The following KIF5A variants were observed in gnomAD, a reference collection of about 807,000 sequenced individuals.
KIF5A encodes the protein kinesin heavy chain isoform 5A.
In KIF5A, 35 loss-of-function variants were observed where a neutral mutation model predicts 141.3. The ratio of observed to expected loss-of-function variants is 0.25; its 90% confidence interval spans 0.19 to 0.33. The LOEUF (loss-of-function observed/expected upper bound fraction) is 0.33, where lower values mean the gene tolerates loss of function less well. Ranked by LOEUF, KIF5A falls within the 10% of genes least tolerant of loss-of-function variation. The pLI is 1.00. For missense variants in KIF5A, 861 were observed against 1,314.3 expected (o/e 0.66, Z 5.33); for synonymous variants, 448 against 500.2 (o/e 0.90, Z 1.39).
chr12:57,564,528 G>GGATGAGGGTGTGT lies in KIF5A; in HGVS notation c.445+23_445+35dup. The GGATGAGGGTGTGT allele has an allele frequency of 1.9e-6, 3 of 1,592,766 alleles. No individual in the cohort carries two copies. Among genetic ancestry groups the GGATGAGGGTGTGT allele is most frequent in the Non-Finnish European group, 2.6e-6 (3 of 1,160,988 alleles). On this transcript the variant is annotated intron_variant, in intron 5 of 28. Transcript: ENST00000455537. ...TGGATGGTGAGTGTTTTGTCCCAGT[G>GGATGAGGGTGTGT]GATGAGGGTGTGTGAGGAGGGTGGA...
intron 6 of KIF5A, among the ~76,000 whole-genome samples, chr12:57,566,341 T>C (rs896416163): frequency 4.6e-5 from 7 of 151,956 alleles, no homozygotes; most frequent in Non-Finnish European, 1.0e-4. Context: ...TGACCTCAGG[T>C]GATCCGCCCA....
At chr12:57,568,011 T>C (rs1413474213) in intron 8 of KIF5A, among the ~76,000 whole-genome samples, 1 of 151,912 alleles carries the variant, frequency 6.6e-6, no homozygotes, top group Non-Finnish European at 1.5e-5. Flanking sequence ...GCCTCCCTAG[T>C]AGCTGGGATT....
chr12:57,567,293 A>C, intron 7 of KIF5A, 80 bp downstream of exon 7: 1 of 1,313,412 alleles, frequency 7.6e-7, no homozygotes, highest in Non-Finnish European at 1.1e-6. Context: ...GGGACTCAAA[A>C]GTGAGCAAGG....
At chr12:57,573,918 A>C (rs1882338228) in intron 15 of KIF5A, among the ~76,000 whole-genome samples, 2 of 151,424 alleles carry the variant, frequency 1.3e-5, no homozygotes, top group African/African-American at 4.9e-5. Flanking sequence ...TGTCTCTACT[A>C]AAAAAATACA....
At position 57,572,380 on chromosome 12, in the gene KIF5A, T is replaced by C; in HGVS notation, c.1569+113T>C. On this transcript the variant is annotated intron_variant, in intron 14 of 28. Transcript: ENST00000455537. The surrounding 1 kb of genome is among the most constrained non-coding windows in gnomAD (Gnocchi z 4.2). ...TGGTGGCTGCACCTCTGCACTGCTG[T>C]TCAGTGCATTGTGAGTCCCTCCCCA... The C allele has an allele frequency of 8.0e-7, 1 of 1,248,364 alleles. No homozygotes were observed. The highest frequency in any genetic ancestry group is 1.1e-6 in the Non-Finnish European group (1 of 872,668). 77.3% of individuals were successfully genotyped at this position (1,248,364 alleles called of 1,614,324 possible).
chr12:57,582,024 C>T (rs1257653251), intron 26 of KIF5A, 72 bp downstream of exon 26: 2 of 1,239,110 alleles, frequency 1.6e-6, no homozygotes, highest in African/African-American at 1.5e-5. Flanking sequence ...AAGTAAGTGA[C>T]CTTAGTGTAC....
chr12:57,578,116 ATCC>A (rs1192275800), intron 22 of KIF5A, 36 bp downstream of exon 22: 4 of 1,593,996 alleles, frequency 2.5e-6, no homozygotes, highest in Non-Finnish European at 3.4e-6. Context: ...CAGCCCCCAC[ATCC>A]TCCTCCTATC....
chr12:57,563,777 C>A (rs1469311300), intron 3 of KIF5A, 84 bp downstream of exon 3: 2 of 1,263,694 alleles, frequency 1.6e-6, no homozygotes, highest in African/African-American at 1.5e-5. Flanking sequence ...GTCTAGGAAT[C>A]AAGGATTGCC....
intron 1 of KIF5A, among the ~76,000 whole-genome samples, chr12:57,553,217 C>T (rs1881632091): frequency 6.6e-6 from 1 of 152,102 alleles, no homozygotes; most frequent in Admixed American, 6.6e-5. Context: ...TGCATCTGTA[C>T]CAGATGTGGG....
intron 1 of KIF5A, among the ~76,000 whole-genome samples, chr12:57,556,884 C>G (rs1199137715): frequency 2.6e-5 from 4 of 151,994 alleles, no homozygotes; most frequent in Non-Finnish European, 5.9e-5. Context: ...TGATGCCCAC[C>G]CAGATTAAGG....
intron 20 of KIF5A, among the ~76,000 whole-genome samples, chr12:57,577,093 C>T (rs771105760): frequency 6.6e-6 from 1 of 152,112 alleles, no homozygotes; most frequent in Non-Finnish European, 1.5e-5. Context: ...AAACAGGTTA[C>T]AAAACCATAT....
At chr12:57,563,395 A>G in intron 1 of KIF5A, 44 bp from the exon 2 acceptor site, 1 of 1,405,560 alleles carries the variant, frequency 7.1e-7, no homozygotes, top group African/African-American at 1.4e-5. Flanking sequence ...CTTTTCCCTC[A>G]CATCCTGCCT....
At chr12:57,577,527 T>C (rs1882464432) in intron 20 of KIF5A, among the ~76,000 whole-genome samples, 186 bp from the exon 21 acceptor site, 1 of 152,016 alleles carries the variant, frequency 6.6e-6, no homozygotes, top group South Asian at 2.1e-4. Flanking sequence ...GCCCAGGAGG[T>C]TGAGGCTGCA....
Position 57,575,159 on chromosome 12 carries a change from G to C in KIF5A, c.1792G>C (p.Val598Leu), listed in dbSNP as rs1307954078. The C allele has an allele frequency of 6.2e-7, 1 of 1,613,984 alleles. No individual in the cohort carries two copies. Among genetic ancestry groups the C allele is most frequent in the African/African-American group, 1.3e-5 (1 of 74,906 alleles). ...CTACATCAGCAAAATCAAATCAGAA[G>C]TCAAGTCTGTGGTCAAGCGGTGCCG... ...RLYISKIKSEVKSVVKRCRQL... is the reference protein window; with the variant it reads ...RLYISKIKSELKSVVKRCRQL... Residue 598 changes from valine to leucine, a missense_variant, in exon 16 of 29, where the codon GTC (valine) becomes CTC (leucine). Around this residue, in one of 5 missense-constraint regions of KIF5A, gnomAD observed 482 missense variants for 661.3 expected, o/e 0.73. Transcript: ENST00000455537.
At chr12:57,575,037 G>T (rs1298269667) in intron 15 of KIF5A, 47 bp from the exon 16 acceptor site, 1 of 1,586,688 alleles carries the variant, frequency 6.3e-7, no homozygotes, top group African/African-American at 1.3e-5. Context: ...AACAGATAAA[G>T]CTTCCCAGCA....
chr12:57,568,792 A>G (rs2140162431), intron 8 of KIF5A, among the ~76,000 whole-genome samples, 171 bp from the exon 9 acceptor site: 1 of 151,546 alleles, frequency 6.6e-6, no homozygotes, highest in Non-Finnish European at 1.5e-5. Context: ...TTGACAAGAC[A>G]GTTTAGGGGA....
intron 3 of KIF5A, 147 bp downstream of exon 3, chr12:57,563,840 G>T: frequency 1.3e-6 from 1 of 796,596 alleles, no homozygotes. Flanking sequence ...GGCAATATTA[G>T]GGGAAGTTTA....
intron 5 of KIF5A, 60 bp downstream of exon 5, chr12:57,564,568 C>T (rs1187985117): frequency 6.1e-6 from 8 of 1,321,376 alleles, no homozygotes; most frequent in African/African-American, 4.3e-5. Flanking sequence ...AGAAAGCTCA[C>T]ATTGCATTTG....
At chr12:57,582,103 G>A (rs768034809) in intron 26 of KIF5A, 151 bp downstream of exon 26, 12 of 713,502 alleles carry the variant, frequency 1.7e-5, no homozygotes, top group Middle Eastern at 2.9e-4. Flanking sequence ...ATATAGCCAG[G>A]TGTGGTGGCA....
Sources: gnomAD v4.1 joint callset for allele counts (sites outside exome capture counted in the v4.1 genomes callset) on GRCh38, gnomAD v4.1.1 for gene constraint, gnomAD v4.1.1 regional missense constraint, Gnocchi (gnomAD v3.1) non-coding constraint, MANE v1.5 for transcripts, NCBI Gene and HGNC (gene_info 2026-07-23, HGNC 2026-07-21) for gene names.